PRCP: variants seen among roughly 807,000 people sequenced by gnomAD.
PRCP encodes the protein prolylcarboxypeptidase.
Under a neutral mutation model 54.2 loss-of-function variants are expected in PRCP, and 46 were observed. The observed-to-expected ratio is 0.85, with a 90% CI of 0.67 to 1.09. The LOEUF (loss-of-function observed/expected upper bound fraction) is 1.09, where lower values mean the gene tolerates loss of function less well. Among genes scored for constraint, PRCP ranks in the 50% least tolerant of loss-of-function variants. The pLI is 0.00. For missense variants in PRCP, 613 were observed against 596.8 expected (o/e 1.03, Z -0.28); for synonymous variants, 240 against 212.2 (o/e 1.13, Z -1.14).
chr11:82,878,232 C>T (rs933181393), intron 1 of PRCP, among the ~76,000 whole-genome samples: 1 of 152,168 alleles, frequency 6.6e-6, no homozygotes, highest in Non-Finnish European at 1.5e-5. Flanking sequence ...GGCTCATAAG[C>T]AGAAGGGACT....
At chr11:82,839,633 G>A (rs754367829) in intron 6 of PRCP, 57 of 570,810 alleles carry the variant, frequency 1.0e-4, no homozygotes, top group Non-Finnish European at 1.5e-4. Context: ...GAAATAAACC[G>A]AAGTCATTTG....
At position 82,863,999 on chromosome 11, in the gene PRCP, A is replaced by C. The variant is rs566999868; in HGVS notation, c.169-3882T>G. Among the ~76,000 whole-genome samples the C allele has an allele frequency of 3.0e-4, 45 of 152,372 alleles. 1 individual carries two copies. The South Asian group carries it at 8.1e-3, about 27-fold the overall frequency. On this transcript the variant is annotated intron_variant, in intron 1 of 8. Transcript: ENST00000313010. The stretch of plus-strand genomic sequence containing the variant: ...TATCTTCCTGTATAAAATAAGGATA[A>C]CCACATACAATTCAAAGGATTTCTG...
At chr11:82,867,221 G>GA (rs1004198934) in intron 1 of PRCP, among the ~76,000 whole-genome samples, 16 of 151,278 alleles carry the variant, frequency 1.1e-4, no homozygotes, top group African/African-American at 2.2e-4. Flanking sequence ...TATCTATGTG[G>GA]AAAAAAAAAT....
At chr11:82,891,759 G>A (rs965571777) in intron 1 of PRCP, among the ~76,000 whole-genome samples, 4 of 152,130 alleles carry the variant, frequency 2.6e-5, no homozygotes, top group Non-Finnish European at 4.4e-5. Flanking sequence ...CCAGTGCCTC[G>A]AATATAGTAG....
intron 1 of PRCP, among the ~76,000 whole-genome samples, chr11:82,868,720 G>A (rs1859400781): frequency 6.6e-6 from 1 of 152,156 alleles, no homozygotes; most frequent in Non-Finnish European, 1.5e-5. Context: ...AGGTTTATGA[G>A]GGGAAGACAT....
chr11:82,849,264 C>T (rs1485465842), intron 5 of PRCP, 46 bp from the exon 6 acceptor site: 3 of 1,592,592 alleles, frequency 1.9e-6, no homozygotes. Flanking sequence ...TACTGGTCAA[C>T]AGATGTCTTT....
At chr11:82,858,223 C>A (rs1223199440) in intron 2 of PRCP, 1 of 152,178 alleles carries the variant, frequency 6.6e-6, no homozygotes, top group Non-Finnish European at 1.5e-5. Flanking sequence ...ACTCTATGAA[C>A]CATTATTACT....
At chr11:82,834,480 TA>T (rs1453429853) in intron 8 of PRCP, among the ~76,000 whole-genome samples, 1 of 152,218 alleles carries the variant, frequency 6.6e-6, no homozygotes, top group Non-Finnish European at 1.5e-5. Context: ...GTAAGGAAAT[TA>T]AACAAAAAGC....
chr11:82,899,715 G>A (rs1488245095), intron 1 of PRCP, among the ~76,000 whole-genome samples: 5 of 152,144 alleles, frequency 3.3e-5, no homozygotes, highest in Non-Finnish European at 5.9e-5. Flanking sequence ...GGGGAATAGG[G>A]ACTGTCAACA....
chr11:82,846,509 G>C (rs953889455), intron 6 of PRCP, among the ~76,000 whole-genome samples: 4 of 151,986 alleles, frequency 2.6e-5, no homozygotes, highest in Non-Finnish European at 5.9e-5. Flanking sequence ...CAGCAATCAA[G>C]AATTCCTTGA....
intron 8 of PRCP, chr11:82,836,255 T>C (rs539738807): frequency 6.6e-6 from 1 of 151,178 alleles, no homozygotes; most frequent in African/African-American, 2.5e-5. Context: ...AAAAAGACGA[T>C]GCTGTCTCAT....
Position 82,825,055 on chromosome 11 carries a change from C to G in PRCP, c.1342G>C (p.Val448Leu), listed in dbSNP as rs1358193893. 2 of 1,614,070 alleles carry G rather than the reference C, an allele frequency of 1.2e-6. No homozygotes were observed. Among genetic ancestry groups the G allele is most frequent in the East Asian group, 4.5e-5 (2 of 44,864 alleles). Residue 448 changes from valine (V) to leucine (L), a missense_variant, in exon 9 of 9, where the codon GTC becomes CTC. By Grantham distance (32) the Val-to-Leu change is conservative (BLOSUM62 1). Transcript: ENST00000313010. ...TGGTGGGCCCCCTCTGAGATGGTGA[C>G]TGCAACCAGAGTGTCTGTGATATCC... is the stretch of plus-strand genomic sequence containing the variant. ...TKDITDTLVA[V>L]TISEGAHHLD...
intron 8 of PRCP, among the ~76,000 whole-genome samples, chr11:82,831,632 C>A (rs927592288): frequency 6.6e-6 from 1 of 152,130 alleles, no homozygotes; most frequent in Non-Finnish European, 1.5e-5. Context: ...ACCGGAAAAG[C>A]AATCACACTT....
intron 6 of PRCP, among the ~76,000 whole-genome samples, chr11:82,844,743 AAAAAAAAGAAAG>A (rs1466112170): frequency 9.3e-6 from 1 of 107,328 alleles, no homozygotes; most frequent in African/African-American, 2.8e-5. Context: ...AAAAAAAAAA[AAAAAAAAGAAAG>A]AAAGAAAGAA....
At position 82,899,050 on chromosome 11, in the gene PRCP, C is replaced by T. The variant is rs567173124; in HGVS notation, c.168+1185G>A. ...GGAAGTCTATGACATCCCTCTACCA[C>T]AAATTCCCATTCCAAATTCACATAA... On this transcript the variant is annotated intron_variant, in intron 1 of 8. Coordinates refer to ENST00000313010, the MANE Select transcript of PRCP (RefSeq NM_005040.4). Among the ~76,000 whole-genome samples the T allele has an allele frequency of 2.6e-5, 4 of 152,270 alleles. No homozygotes were observed. In the South Asian group the frequency reaches 6.2e-4, roughly 24 times the overall value.
At chr11:82,849,263 A>G in intron 5 of PRCP, 45 bp from the exon 6 acceptor site, 1 of 1,594,700 alleles carries the variant, frequency 6.3e-7, no homozygotes. Flanking sequence ...GTACTGGTCA[A>G]CAGATGTCTT....
intron 2 of PRCP, among the ~76,000 whole-genome samples, chr11:82,855,411 G>A (rs908080499): frequency 1.3e-5 from 2 of 152,170 alleles, no homozygotes; most frequent in African/African-American, 2.4e-5. Context: ...AAGGTCAGGA[G>A]ATCGAGACCA....
At chr11:82,872,501 T>C (rs1027261854) in intron 1 of PRCP, among the ~76,000 whole-genome samples, 2 of 152,154 alleles carry the variant, frequency 1.3e-5, no homozygotes, top group Non-Finnish European at 2.9e-5. Flanking sequence ...AAGAATGCCA[T>C]GTTAAGACAC....
At chr11:82,889,004 T>TGG (rs1859934557) in intron 1 of PRCP, among the ~76,000 whole-genome samples, 1 of 149,794 alleles carries the variant, frequency 6.7e-6, no homozygotes, top group African/African-American at 2.5e-5. Flanking sequence ...AAGGCTAGAA[T>TGG]AAGACATGTG....
Sources: gnomAD v4.1 joint callset for allele counts (sites outside exome capture counted in the v4.1 genomes callset) on GRCh38, gnomAD v4.1.1 for gene constraint, MANE v1.5 for transcripts, NCBI Gene and HGNC (gene_info 2026-07-23, HGNC 2026-07-21) for gene names.